The following DAB1 variants were observed in gnomAD, a reference collection of about 807,000 sequenced individuals.
The protein encoded by DAB1 is DAB adaptor protein 1.
Under a neutral mutation model 64.6 loss-of-function variants are expected in DAB1, and 15 were observed. The ratio of observed to expected loss-of-function variants is 0.23; its 90% CI spans 0.16 to 0.36. The LOEUF (loss-of-function observed/expected upper bound fraction) is 0.36. Ranked by LOEUF, DAB1 falls within the 10% of genes least tolerant of loss-of-function variation. DAB1 has a pLI of 1.00. For missense variants in DAB1, 596 were observed against 706.7 expected (o/e 0.84, Z 1.78); for synonymous variants, 235 against 251.9 (o/e 0.93, Z 0.64).
At chr1:58,350,125 T>TC (rs1216011648) in intron 3 of DAB1, among the ~76,000 whole-genome samples, 1 of 152,186 alleles carries the variant, frequency 6.6e-6, no homozygotes, top group Non-Finnish European at 1.5e-5. Flanking sequence ...ATCTGTTTTT[T>TC]CCTGACTTTT....
upstream of DAB1, among the ~76,000 whole-genome samples, chr1:57,424,536 C>T (rs1271594164): frequency 6.6e-6 from 1 of 152,202 alleles, no homozygotes; most frequent in Non-Finnish European, 1.5e-5. Flanking sequence ...CCCATCACCA[C>T]CACTGGACGC....
chr1:57,656,021 T>TAA (rs1327447414), intron 6 of DAB1, among the ~76,000 whole-genome samples: 1 of 152,140 alleles, frequency 6.6e-6, no homozygotes, highest in East Asian at 1.9e-4. Context: ...GTGGGGACTT[T>TAA]AGGAGGTGAT....
chr1:58,241,584 A>T (rs1238603932), intron 4 of DAB1, among the ~76,000 whole-genome samples: 1 of 152,094 alleles, frequency 6.6e-6, no homozygotes, highest in Non-Finnish European at 1.5e-5. Flanking sequence ...GAAAGAAAAA[A>T]ATGACTATCT....
chr1:57,564,265 C>T (rs1645089498), intron 7 of DAB1, among the ~76,000 whole-genome samples: 1 of 152,148 alleles, frequency 6.6e-6, no homozygotes, highest in Non-Finnish European at 1.5e-5. Flanking sequence ...GAAAGGACAT[C>T]CACACCAAAA....
chr1:57,453,833 A>G lies in DAB1; in HGVS notation n.626-162667T>C, dbSNP rs56744106. ...TCATAAAAAAGTTATAACTACTTATAGTAGACATTACTTCTTTTTTTCTCC... is the reference window on the plus strand; with the variant it reads ...TCATAAAAAAGTTATAACTACTTATGGTAGACATTACTTCTTTTTTTCTCC... On this transcript the variant is annotated intron_variant and non_coding_transcript_variant, in intron 7 of 20. Coordinates refer to the DAB1 transcript ENST00000485760. 9.7e-3 allele frequency among the ~76,000 whole-genome samples: 1,481 copies of G among 152,332 alleles called. 33 individuals are homozygous for G. The highest frequency in any genetic ancestry group is 0.033 in the African/African-American group (1,369 of 41,574).
chr1:57,622,505 T>C (rs569910577), intron 7 of DAB1, among the ~76,000 whole-genome samples: 1 of 152,356 alleles, frequency 6.6e-6, no homozygotes, highest in African/African-American at 2.4e-5. Flanking sequence ...TATGGAATGT[T>C]TTCTGTGATA....
At chr1:58,173,627 C>A (rs931028604) in intron 4 of DAB1, among the ~76,000 whole-genome samples, 1 of 152,104 alleles carries the variant, frequency 6.6e-6, no homozygotes, top group Non-Finnish European at 1.5e-5. Context: ...AGCCACACAC[C>A]GGAGCTACCT....
intron 6 of DAB1, among the ~76,000 whole-genome samples, chr1:57,807,366 G>C (rs1216437342): frequency 6.6e-6 from 1 of 152,098 alleles, no homozygotes; most frequent in Admixed American, 6.5e-5. Context: ...GAGCAGAAAA[G>C]TCACAGTGAC....
intron 7 of DAB1, among the ~76,000 whole-genome samples, chr1:57,560,573 T>C (rs1202223455): frequency 6.6e-6 from 1 of 152,188 alleles, no homozygotes; most frequent in Non-Finnish European, 1.5e-5. Flanking sequence ...AGGCAACACA[T>C]TCCTCATTTG....
chr1:57,246,543 G>C (rs561715827), intron 2 of DAB1, among the ~76,000 whole-genome samples: 1 of 152,220 alleles, frequency 6.6e-6, no homozygotes, highest in African/African-American at 2.4e-5. Context: ...ACCTAGTGCA[G>C]AGGGAAAAAG....
chr1:58,292,050 T>C (rs1453944657), intron 4 of DAB1, among the ~76,000 whole-genome samples: 1 of 152,156 alleles, frequency 6.6e-6, no homozygotes, highest in Admixed American at 6.5e-5. Flanking sequence ...AAGGAGGAAT[T>C]TGTCCCCTTT....
At chr1:57,640,752 C>T (rs1436356660) in intron 7 of DAB1, among the ~76,000 whole-genome samples, 1 of 152,176 alleles carries the variant, frequency 6.6e-6, no homozygotes, top group African/African-American at 2.4e-5. Context: ...GGGAACATTA[C>T]CTTCAATGGG....
At chr1:58,460,519 G>A (rs1645233979) in intron 3 of DAB1, among the ~76,000 whole-genome samples, 2 of 152,118 alleles carry the variant, frequency 1.3e-5, no homozygotes. Context: ...TCCTTCACTT[G>A]GCATCAGGTT....
At chr1:57,584,015 G>C (rs893278789) in intron 7 of DAB1, among the ~76,000 whole-genome samples, 5 of 152,164 alleles carry the variant, frequency 3.3e-5, no homozygotes, top group Admixed American at 2.6e-4. Flanking sequence ...CCTTGTGGAC[G>C]AACTGCAACC....
intron 1 of DAB1, among the ~76,000 whole-genome samples, chr1:57,385,385 T>C (rs1012163709): frequency 1.1e-4 from 17 of 152,332 alleles, no homozygotes; most frequent in African/African-American, 4.1e-4. Flanking sequence ...AGAAGACGTG[T>C]GGCAGGAAGT....
chr1:57,503,807 C>T (rs935407867), intron 7 of DAB1, among the ~76,000 whole-genome samples: 3 of 152,200 alleles, frequency 2.0e-5, no homozygotes, highest in Admixed American at 2.0e-4. Context: ...CCAGGAAGTC[C>T]TCCCTAATCT....
chr1:57,666,898 G>A (rs575567229), intron 6 of DAB1, among the ~76,000 whole-genome samples: 4 of 151,368 alleles, frequency 2.6e-5, no homozygotes, highest in Admixed American at 6.6e-5. Context: ...GGGAAGGGGA[G>A]GGGGAGAGAG....
intron 2 of DAB1, among the ~76,000 whole-genome samples, chr1:57,158,511 A>C (rs1013163627): frequency 6.6e-6 from 1 of 152,230 alleles, no homozygotes; most frequent in Non-Finnish European, 1.5e-5. Context: ...CTTGGCTGTC[A>C]AACATCATTC....
At chr1:57,435,100 G>A (rs1685649034) in intron 7 of DAB1, among the ~76,000 whole-genome samples, 2 of 145,252 alleles carry the variant, frequency 1.4e-5, no homozygotes, top group African/African-American at 5.2e-5. Flanking sequence ...CCAGGCTGGA[G>A]CGTAGTGGCA....
Sources: allele counts gnomAD v4.1 joint callset (sites outside exome capture counted in the v4.1 genomes callset), GRCh38; gene constraint gnomAD v4.1.1; transcripts MANE v1.5; gene names NCBI Gene and HGNC (gene_info 2026-07-23, HGNC 2026-07-21).